TAOK1: variants seen among roughly 807,000 people sequenced by gnomAD.
The protein encoded by TAOK1 is TAO kinase 1.
In TAOK1, 21 loss-of-function variants were observed where a neutral mutation model predicts 138.3. The observed-to-expected ratio is 0.15, with a 90% CI of 0.11 to 0.22. The LOEUF (loss-of-function observed/expected upper bound fraction) is 0.22. Among genes scored for constraint, TAOK1 ranks in the 10% least tolerant of loss-of-function variants. The pLI, the probability that TAOK1 is intolerant of heterozygous loss-of-function variation, is 1.00. For missense variants in TAOK1, 651 were observed against 1,227.7 expected (o/e 0.53, Z 7.02); for synonymous variants, 361 against 398.4 (o/e 0.91, Z 1.12).
intron 2 of TAOK1, among the ~76,000 whole-genome samples, chr17:29,463,961 G>T (rs2030593237): frequency 6.6e-6 from 1 of 152,148 alleles, no homozygotes. Flanking sequence ...CACATGAAAA[G>T]ATCCTCAACC....
intron 18 of TAOK1, among the ~76,000 whole-genome samples, chr17:29,531,731 C>T (rs1208575801): frequency 6.6e-6 from 1 of 151,434 alleles, no homozygotes; most frequent in African/African-American, 2.4e-5. Flanking sequence ...CCATTGCACT[C>T]CAGCCTGGGC....
chr17:29,539,661 C>G (rs755773589), intron 19 of TAOK1, among the ~76,000 whole-genome samples: 5 of 152,140 alleles, frequency 3.3e-5, no homozygotes, highest in Non-Finnish European at 7.3e-5. Flanking sequence ...GTCTCGAACT[C>G]CCGACCTCAG....
In TAOK1 at chr17:29,488,576, A is replaced by AATAATAAT. The variant is rs2031226559; in HGVS notation, c.656-1087_656-1086insTAATAATA. On this transcript the variant is annotated intron_variant, in intron 8 of 19. Coordinates refer to ENST00000261716, the MANE Select transcript of TAOK1 (RefSeq NM_020791.4). Reference sequence around the variant, plus strand: ...AACAAGAGTGAAACCACATCTCAAAAAATAATAATAATAATAATAATAATA... The same window carrying AATAATAAT: ...AACAAGAGTGAAACCACATCTCAAAAATAATAATAATAATAATAATAATAATAATAATA... Among the ~76,000 whole-genome samples, 35 of 145,474 alleles carry AATAATAAT rather than the reference A, an allele frequency of 2.4e-4. No individual in the cohort carries two copies. In the East Asian group the frequency reaches 6.2e-3, roughly 26 times the overall value.
intron 8 of TAOK1, among the ~76,000 whole-genome samples, chr17:29,483,966 G>A (rs1300610288): frequency 1.3e-5 from 2 of 152,100 alleles, no homozygotes; most frequent in African/African-American, 2.4e-5. Context: ...AATGCTGGCC[G>A]ATGCATACAT....
chr17:29,492,038 C>A (rs552980858), intron 10 of TAOK1, among the ~76,000 whole-genome samples, 173 bp downstream of exon 10: 3 of 152,260 alleles, frequency 2.0e-5, no homozygotes, highest in Admixed American at 1.3e-4. Flanking sequence ...ACACATGCCA[C>A]TGAACCCGGC....
At chr17:29,402,183 G>C (rs10512431) in intron 1 of TAOK1, among the ~76,000 whole-genome samples, 24,357 of 152,062 alleles carry the variant, frequency 0.16, 2,068 homozygotes, top group Admixed American at 0.21. Flanking sequence ...CAGTAGTTTT[G>C]GATAATCATG....
intron 1 of TAOK1, among the ~76,000 whole-genome samples, chr17:29,391,316 C>G (rs1296216222): frequency 6.6e-6 from 1 of 152,078 alleles, no homozygotes. Flanking sequence ...GATGTGCACC[C>G]CGGTTTAAAG....
rs1193577307 is a variant in TAOK1, at chr17:29,542,694, C to T, written c.2678C>T (p.Ser893Phe). The T allele has an allele frequency of 6.2e-7, 1 of 1,614,088 alleles. No individual in the cohort carries two copies. The highest frequency in any genetic ancestry group is 8.5e-7 in the Non-Finnish European group (1 of 1,180,044). ...MRLGFSNMVL[S>F]NLSPEAFSHS... ...CTAGGTTTTAGTAATATGGTCCTTT[C>T]TAATCTCTCCCCTGAGGCATTCAGC... The change falls in exon 20 of 20, where the codon TCT becomes TTT. Residue 893 changes from serine to phenylalanine, a missense_variant. This residue lies in a region of TAOK1 where 258 missense variants were observed against 548.9 expected (regional missense o/e 0.47). Coordinates refer to ENST00000261716, the MANE Select transcript of TAOK1 (RefSeq NM_020791.4).
intron 1 of TAOK1, among the ~76,000 whole-genome samples, chr17:29,427,960 A>G (rs903708936): frequency 6.6e-6 from 1 of 151,912 alleles, no homozygotes; most frequent in Non-Finnish European, 1.5e-5. Flanking sequence ...TAATTTTATT[A>G]TAAGACTATT....
At chr17:29,411,548 TGCC>T (rs1905145098) in intron 1 of TAOK1, among the ~76,000 whole-genome samples, 1 of 151,918 alleles carries the variant, frequency 6.6e-6, no homozygotes, top group Non-Finnish European at 1.5e-5. Context: ...CACACCGCCA[TGCC>T]TGGCTAATTT....
At chr17:29,441,199 G>A (rs1199973766) in intron 1 of TAOK1, among the ~76,000 whole-genome samples, 2 of 152,150 alleles carry the variant, frequency 1.3e-5, no homozygotes, top group Non-Finnish European at 2.9e-5. Context: ...CCCATAAAAT[G>A]AGTTAATTCT....
At chr17:29,495,251 GAAT>G (rs2031389602) in intron 10 of TAOK1, among the ~76,000 whole-genome samples, 1 of 152,078 alleles carries the variant, frequency 6.6e-6, no homozygotes, top group African/African-American at 2.4e-5. Flanking sequence ...TCAGTTCTTA[GAAT>G]ATGTAAACCT....
chr17:29,510,068 A>G (rs1234771626), intron 14 of TAOK1, among the ~76,000 whole-genome samples: 1 of 151,196 alleles, frequency 6.6e-6, no homozygotes, highest in Non-Finnish European at 1.5e-5. Context: ...TGTGTTTGAG[A>G]CATGAACATT....
chr17:29,424,996 C>T (rs1441467865), intron 1 of TAOK1: 2 of 152,110 alleles, frequency 1.3e-5, no homozygotes, highest in Non-Finnish European at 2.9e-5. Flanking sequence ...ACTACTTTGT[C>T]TCCATTATAA....
intron 2 of TAOK1, among the ~76,000 whole-genome samples, chr17:29,456,231 C>T (rs148379086): frequency 0.014 from 2,027 of 149,944 alleles, 74 homozygotes; most frequent in Admixed American, 0.07. Context: ...GCCTGTAGTC[C>T]CAGCTACTCG....
rs1428730719 is a variant in TAOK1 at position 29,548,891 on chromosome 17, G to A, written c.*5869G>A. 1 of 152,218 alleles carries A rather than the reference G, an allele frequency of 6.6e-6. No homozygotes were observed. Among genetic ancestry groups the A allele is most frequent in the East Asian group, 1.9e-4 (1 of 5,182 alleles). 9.4% of individuals were successfully genotyped at this position (152,218 alleles called of 1,614,324 possible). A position where few individuals can be genotyped will look rare whatever the true frequency, so the allele number is the denominator to read the frequency against. On this transcript the variant is annotated 3_prime_UTR_variant, in exon 20 of 20. Transcript: ENST00000261716. ...TTAATACTTAAATGTTAAACAGGGG[G>A]AAATGAAGCTTAATCATGGTCAGGT...
intron 17 of TAOK1, among the ~76,000 whole-genome samples, chr17:29,524,484 A>G (rs775062105): frequency 2.0e-5 from 3 of 152,210 alleles, no homozygotes; most frequent in Non-Finnish European, 4.4e-5. Context: ...ATTCTCTCAG[A>G]TAGTACGTTA....
At chr17:29,443,165 G>A (rs189089870) in intron 1 of TAOK1, among the ~76,000 whole-genome samples, 324 of 152,154 alleles carry the variant, frequency 2.1e-3, no homozygotes, top group African/African-American at 7.5e-3. Flanking sequence ...TAGAGAAAAG[G>A]GCTTTATAAT....
At chr17:29,460,785 ATAAT>A (rs762731570) in intron 2 of TAOK1, among the ~76,000 whole-genome samples, 3 of 152,218 alleles carry the variant, frequency 2.0e-5, no homozygotes, top group Non-Finnish European at 2.9e-5. Context: ...TGCTTTTATA[ATAAT>A]TTAGGAAAGA....
Sources: allele counts gnomAD v4.1 joint callset (sites outside exome capture counted in the v4.1 genomes callset), GRCh38; gene constraint gnomAD v4.1.1; regional missense constraint gnomAD v4.1.1; transcripts MANE v1.5; gene names NCBI Gene and HGNC (gene_info 2026-07-23, HGNC 2026-07-21).